The following FAM135B variants were observed in gnomAD, a reference collection of about 807,000 sequenced individuals.
The protein encoded by FAM135B is protein FAM135B.
Under a neutral mutation model 127.7 loss-of-function variants are expected in FAM135B, and 43 were observed. The ratio of observed to expected loss-of-function variants is 0.34; its 90% CI spans 0.26 to 0.43. FAM135B has a LOEUF of 0.43. Among genes scored for constraint, FAM135B ranks in the 20% least tolerant of loss-of-function variants. FAM135B has a pLI of 1.00. For missense variants in FAM135B, 1,558 were observed against 1,725.6 expected (o/e 0.90, Z 1.72); for synonymous variants, 670 against 665.1 (o/e 1.01, Z -0.11).
chr8:138,132,538 G>C lies in FAM135B; in HGVS notation c.*55C>G, dbSNP rs1816291698. ...GTGAGGTCTGTAAAAGCAGGTCTCAGCTAAAGCTCTCCACCGATCGTAAGC... is the reference window on the plus strand; with the variant it reads ...GTGAGGTCTGTAAAAGCAGGTCTCACCTAAAGCTCTCCACCGATCGTAAGC... On this transcript the variant is annotated 3_prime_UTR_variant, in exon 20 of 20. Transcript: ENST00000395297. The surrounding 1 kb of genome is among the most constrained non-coding windows in gnomAD (Gnocchi z 4.5). 1.4e-6 allele frequency: 2 copies of C among 1,473,960 alleles called. No homozygotes were observed. The highest frequency in any genetic ancestry group is 1.4e-5 in the African/African-American group (1 of 72,072). The allele number at this position is 1,473,960 out of a possible 1,614,324, so 91.3% of individuals were successfully genotyped here.
chr8:138,144,372 T>C (rs13255356), intron 15 of FAM135B: 35,831 of 152,132 alleles, frequency 0.24, 5,525 homozygotes, highest in East Asian at 0.52. Context: ...GATCGCACCA[T>C]TGCACTCCAG....
intron 1 of FAM135B, among the ~76,000 whole-genome samples, chr8:138,489,023 T>C (rs1815102119): frequency 1.3e-5 from 2 of 152,134 alleles, no homozygotes; most frequent in South Asian, 4.1e-4. Flanking sequence ...AGGAACACCT[T>C]TGCTTCCTCT....
chr8:138,228,370 G>A (rs1819640071), intron 7 of FAM135B, among the ~76,000 whole-genome samples: 1 of 152,130 alleles, frequency 6.6e-6, no homozygotes, highest in South Asian at 2.1e-4. Context: ...TGCACTCCTG[G>A]TTAATAACTA....
chr8:138,134,673 T>C (rs184488560), intron 19 of FAM135B, among the ~76,000 whole-genome samples: 1,740 of 152,200 alleles, frequency 0.011, 13 homozygotes, highest in Non-Finnish European at 0.018. Context: ...AATAAAAATA[T>C]TGGTACTTCT....
chr8:138,139,195 G>T, intron 17 of FAM135B, 99 bp from the exon 18 acceptor site: 2 of 696,038 alleles, frequency 2.9e-6, no homozygotes, highest in Non-Finnish European at 2.5e-6. Flanking sequence ...CTGAATTTTA[G>T]TTAACTTGAA....
intron 3 of FAM135B, among the ~76,000 whole-genome samples, chr8:138,282,134 C>G (rs1157198894): frequency 6.6e-6 from 1 of 152,180 alleles, no homozygotes; most frequent in Non-Finnish European, 1.5e-5. Flanking sequence ...AGCTCAAGAT[C>G]TATAAGTTAA....
chr8:138,452,415 CTG>C (rs2131590658), intron 1 of FAM135B, among the ~76,000 whole-genome samples: 1 of 152,204 alleles, frequency 6.6e-6, no homozygotes, highest in South Asian at 2.1e-4. Context: ...GCCACCTCGC[CTG>C]GCCCCAATCT....
intron 4 of FAM135B, among the ~76,000 whole-genome samples, chr8:138,263,451 G>A (rs770815839): frequency 2.8e-4 from 42 of 152,328 alleles, no homozygotes; most frequent in Non-Finnish European, 5.3e-4. Flanking sequence ...CTTGCAGCCA[G>A]TCTCTTGGGG....
intron 1 of FAM135B, among the ~76,000 whole-genome samples, chr8:138,489,901 C>A (rs902196522): frequency 6.6e-6 from 1 of 152,234 alleles, no homozygotes; most frequent in African/African-American, 2.4e-5. Context: ...GGAAGCCCCT[C>A]GTGGCATTCC....
At chr8:138,179,720 G>A (rs1371944178) in intron 9 of FAM135B, among the ~76,000 whole-genome samples, 39 of 152,094 alleles carry the variant, frequency 2.6e-4, no homozygotes, top group Non-Finnish European at 2.9e-5. Flanking sequence ...TAGTGACAGG[G>A]TCTCGCTCTG....
At chr8:138,304,182 T>G (rs969032557) in intron 3 of FAM135B, among the ~76,000 whole-genome samples, 2 of 152,232 alleles carry the variant, frequency 1.3e-5, no homozygotes, top group Admixed American at 6.5e-5. Flanking sequence ...GAGCCTTACC[T>G]CCCATCCTGA....
chr8:138,278,609 G>C (rs1405643703), intron 3 of FAM135B, among the ~76,000 whole-genome samples: 2 of 137,802 alleles, frequency 1.5e-5, no homozygotes, highest in Non-Finnish European at 3.0e-5. Flanking sequence ...TGTCGCCCAG[G>C]CTGGAGTGCA....
chr8:138,350,538 C>T (rs531301401), intron 2 of FAM135B, among the ~76,000 whole-genome samples: 9 of 151,654 alleles, frequency 5.9e-5, no homozygotes, highest in East Asian at 1.9e-4. Context: ...CTGTGACACA[C>T]GTGGAGAAAT....
At chr8:138,411,606 C>A (rs1430269711) in intron 1 of FAM135B, among the ~76,000 whole-genome samples, 1 of 152,124 alleles carries the variant, frequency 6.6e-6, no homozygotes, top group Non-Finnish European at 1.5e-5. Flanking sequence ...ACACCAAAAG[C>A]AATGGCAACA....
chr8:138,488,260 G>A (rs1047484564), intron 1 of FAM135B, among the ~76,000 whole-genome samples: 1 of 152,154 alleles, frequency 6.6e-6, no homozygotes, highest in African/African-American at 2.4e-5. Context: ...AACATTTATT[G>A]CACGCTAAAT....
chr8:138,169,026 G>T (rs1456096951), intron 11 of FAM135B, among the ~76,000 whole-genome samples: 1 of 152,100 alleles, frequency 6.6e-6, no homozygotes. Flanking sequence ...CAGACTCAAA[G>T]CAAATTCTCA....
intron 7 of FAM135B, among the ~76,000 whole-genome samples, chr8:138,240,562 A>G (rs1820676977): frequency 6.6e-6 from 1 of 152,138 alleles, no homozygotes; most frequent in African/African-American, 2.4e-5. Context: ...CCACACTTTT[A>G]TTGAGCACTG....
At chr8:138,283,804 T>A (rs1055569941) in intron 3 of FAM135B, among the ~76,000 whole-genome samples, 1 of 151,932 alleles carries the variant, frequency 6.6e-6, no homozygotes, top group African/African-American at 2.4e-5. Context: ...GTTAAGGAGA[T>A]TAGGGAAGAC....
Position 138,152,778 on chromosome 8 carries a change from G to T in FAM135B, c.1697C>A (p.Ala566Asp), listed in dbSNP as rs761155110. ...AGCATTGAAGGCCACCAGGGGTTCA[G>T]CTCTGGAGGGGTTCTTATTGCTAGA... ...VKSSNKNPSR[A>D]EPLVAFNAQH... The change falls in exon 13 of 20, where the codon GCT becomes GAT. Residue 566 changes from alanine to aspartate, a missense_variant. Physicochemically the swap from Ala to Asp is moderately radical, Grantham distance 126. Transcript: ENST00000395297. 102 of 1,614,088 alleles carry T rather than the reference G, an allele frequency of 6.3e-5. No homozygotes were observed. The Middle Eastern group carries it at 6.6e-4, about 10-fold the overall frequency.
Sources: gnomAD v4.1 joint callset for allele counts (sites outside exome capture counted in the v4.1 genomes callset) on GRCh38, gnomAD v4.1.1 for gene constraint, Gnocchi (gnomAD v3.1) non-coding constraint, MANE v1.5 for transcripts, NCBI Gene and HGNC (gene_info 2026-07-23, HGNC 2026-07-21) for gene names.